The following SPIRE1 variants were observed in gnomAD, a reference collection of about 807,000 sequenced individuals.
The protein encoded by SPIRE1 is protein spire homolog 1.
A neutral mutation model predicts 94.1 loss-of-function variants in SPIRE1; 40 were observed. The ratio of observed to expected loss-of-function variants is 0.43; its 90% CI spans 0.33 to 0.55. SPIRE1 has a LOEUF of 0.55. SPIRE1 is among the 20% of genes least tolerant of loss of function. SPIRE1 has a pLI of 0.06. For missense variants in SPIRE1, 838 were observed against 975.2 expected (o/e 0.86, Z 1.87); for synonymous variants, 376 against 371.7 (o/e 1.01, Z -0.13).
At chr18:12,516,753 T>C (rs2034207762) in intron 4 of SPIRE1, among the ~76,000 whole-genome samples, 1 of 152,212 alleles carries the variant, frequency 6.6e-6, no homozygotes, top group African/African-American at 2.4e-5. Flanking sequence ...ATCCAAACTC[T>C]TTTGCTTCAA....
rs141185104 is a variant in SPIRE1 at position 12,558,185 on chromosome 18, G to A, written c.373-11281C>T. 2.3e-3 allele frequency among the ~76,000 whole-genome samples: 344 copies of A among 152,296 alleles called. 2 individuals are homozygous for A. Among genetic ancestry groups the A allele is most frequent in the African/African-American group, 7.9e-3 (328 of 41,562 alleles). ...GTGCCCGGAGTTTCTTCCTTCAAAT[G>A]TTTAGATGTGTCCGGAGTTAGTTTC... is the stretch of plus-strand genomic sequence containing the variant. On this transcript the variant is annotated intron_variant, in intron 2 of 16. Coordinates refer to ENST00000409402, the MANE Select transcript of SPIRE1 (RefSeq NM_001128626.2).
In SPIRE1 at chr18:12,461,422, G is replaced by GTGTGTATGTATGTACGTACATACA. The variant is rs1555680886; in HGVS notation, c.1638+1928_1638+1929insTGTATGTACGTACATACATACACA. On this transcript the variant is annotated intron_variant, in intron 12 of 16. Transcript: ENST00000409402. ...CTTACCTATACACATGTATGTGTGT[G>GTGTGTATGTATGTACGTACATACA]TGTGTGTATGTATGTATATACATAC... Among the ~76,000 whole-genome samples the GTGTGTATGTATGTACGTACATACA allele has an allele frequency of 1.0e-4, 13 of 127,784 alleles. No homozygotes were observed. The South Asian group carries it at 1.8e-3, about 18-fold the overall frequency. 83.8% of individuals were successfully genotyped at this position (127,784 alleles called of 152,430 possible).
At chr18:12,558,684 G>A (rs538671996) in intron 2 of SPIRE1, among the ~76,000 whole-genome samples, 17 of 152,286 alleles carry the variant, frequency 1.1e-4, no homozygotes, top group Non-Finnish European at 1.8e-4. Flanking sequence ...CAATCCTCTA[G>A]CTAGACATAA....
intron 2 of SPIRE1, among the ~76,000 whole-genome samples, chr18:12,568,353 C>T (rs1430854334): frequency 6.6e-6 from 1 of 152,162 alleles, no homozygotes; most frequent in Non-Finnish European, 1.5e-5. Flanking sequence ...TGATTTCTTA[C>T]TCTTTCCTTT....
At chr18:12,600,483 A>G (rs2036801590) in intron 2 of SPIRE1, among the ~76,000 whole-genome samples, 1 of 151,866 alleles carries the variant, frequency 6.6e-6, no homozygotes. Flanking sequence ...TGTTAATATC[A>G]TGGTCCTCAT....
At chr18:12,619,140 C>A (rs2037392154) in intron 2 of SPIRE1, among the ~76,000 whole-genome samples, 1 of 152,152 alleles carries the variant, frequency 6.6e-6, no homozygotes, top group Non-Finnish European at 1.5e-5. Flanking sequence ...AGGTGATCCG[C>A]CCGCCACGGC....
At chr18:12,477,300 GTGGTCACAGAGGTTCC>G (rs2032643396) in intron 10 of SPIRE1, among the ~76,000 whole-genome samples, 1 of 152,166 alleles carries the variant, frequency 6.6e-6, no homozygotes, top group South Asian at 2.1e-4. Flanking sequence ...CTGTGTAGCC[GTGGTCACAGAGGTTCC>G]TGGGCCCTTG....
chr18:12,498,564 A>G (rs2033545309), intron 6 of SPIRE1, among the ~76,000 whole-genome samples: 1 of 152,114 alleles, frequency 6.6e-6, no homozygotes, highest in African/African-American at 2.4e-5. Context: ...AAAACTTCTA[A>G]CACATAAAAT....
At chr18:12,660,255 C>CT, upstream of SPIRE1, among the ~76,000 whole-genome samples, 1 of 151,672 alleles carries the variant, frequency 6.6e-6, no homozygotes, top group Non-Finnish European at 1.5e-5. Flanking sequence ...GAAATCCAAA[C>CT]TTTATCTTTT....
At chr18:12,542,819 A>G (rs1202037225) in intron 3 of SPIRE1, among the ~76,000 whole-genome samples, 1 of 152,034 alleles carries the variant, frequency 6.6e-6, no homozygotes. Context: ...ATTTAGATTT[A>G]TTTTCATGTT....
At chr18:12,609,888 G>A (rs546519836) in intron 2 of SPIRE1, among the ~76,000 whole-genome samples, 1 of 151,812 alleles carries the variant, frequency 6.6e-6, no homozygotes, top group African/African-American at 2.4e-5. Flanking sequence ...CGGTTCCCTA[G>A]ATCTTTAACA....
intron 10 of SPIRE1, among the ~76,000 whole-genome samples, chr18:12,477,003 T>C (rs1484537004): frequency 6.6e-6 from 1 of 152,212 alleles, no homozygotes; most frequent in Non-Finnish European, 1.5e-5. Context: ...CTTCATGTTC[T>C]AACTGATGAA....
At chr18:12,457,699 G>GT (rs11313025) in intron 12 of SPIRE1, among the ~76,000 whole-genome samples, 46 of 148,556 alleles carry the variant, frequency 3.1e-4, no homozygotes, top group East Asian at 1.2e-3. Context: ...AAATTGTTGA[G>GT]TTTTTTTTTT....
chr18:12,621,301 A>C (rs148375167), intron 2 of SPIRE1, among the ~76,000 whole-genome samples: 2,272 of 152,358 alleles, frequency 0.015, 25 homozygotes, highest in South Asian at 0.061. Flanking sequence ...TTACTTTGAG[A>C]AACAGTTTGG....
chr18:12,552,813 C>T (rs1411832364), intron 2 of SPIRE1, among the ~76,000 whole-genome samples: 3 of 152,092 alleles, frequency 2.0e-5, no homozygotes, highest in Non-Finnish European at 2.9e-5. Flanking sequence ...TCTCTTGAGA[C>T]AGGAGTCTTG....
intron 6 of SPIRE1, among the ~76,000 whole-genome samples, chr18:12,501,373 AAGTC>A (rs766400252): frequency 3.9e-5 from 6 of 152,014 alleles, no homozygotes; most frequent in Non-Finnish European, 5.9e-5. Context: ...TGGAAGAAAA[AAGTC>A]AGACTTTTTT....
intron 9 of SPIRE1, among the ~76,000 whole-genome samples, chr18:12,482,330 A>C (rs901382554): frequency 3.9e-5 from 6 of 151,974 alleles, no homozygotes; most frequent in Non-Finnish European, 7.4e-5. Context: ...TTTTTAGTAG[A>C]GTCGAGGTTT....
chr18:12,479,890 C>G lies in SPIRE1; in HGVS notation c.1232-19G>C. 1 of 1,605,540 alleles carries G rather than the reference C, an allele frequency of 6.2e-7. No individual in the cohort carries two copies. Among genetic ancestry groups the G allele is most frequent in the Admixed American group, 1.7e-5 (1 of 58,224 alleles). On this transcript the variant is annotated intron_variant, in intron 9 of 16. Transcript: ENST00000409402. ...GTCACATCTGGTAAAAAAGCAAAAG[C>G]TTACCTTTTCTTGAGCCAAGAAAGG...
chr18:12,461,315 G>A (rs2031786494), intron 12 of SPIRE1, among the ~76,000 whole-genome samples: 2 of 152,042 alleles, frequency 1.3e-5, no homozygotes, highest in Non-Finnish European at 2.9e-5. Context: ...CAAGCTGAAT[G>A]ATAGACTGGC....
Sources: gnomAD v4.1 joint callset for allele counts (sites outside exome capture counted in the v4.1 genomes callset) on GRCh38, gnomAD v4.1.1 for gene constraint, MANE v1.5 for transcripts, NCBI Gene and HGNC (gene_info 2026-07-23, HGNC 2026-07-21) for gene names.